FSTL5: variants seen among roughly 807,000 people sequenced by gnomAD.
The protein encoded by FSTL5 is follistatin like 5.
A neutral mutation model predicts 89.1 loss-of-function variants in FSTL5; 62 were observed. The ratio of observed to expected loss-of-function variants is 0.70; its 90% CI spans 0.57 to 0.86. The LOEUF (loss-of-function observed/expected upper bound fraction) is 0.86, where lower values mean the gene tolerates loss of function less well. Ranked by LOEUF, FSTL5 falls within the 40% of genes least tolerant of loss-of-function variation. FSTL5 has a pLI of 0.00. For missense variants in FSTL5, 1,057 were observed against 1,001.6 expected, an observed-to-expected ratio of 1.06 and a Z score of -0.75; for synonymous variants, 383 against 346.2, an observed-to-expected ratio of 1.11 and a Z score of -1.18.
At chr4:162,057,377 A>G (rs1165621428) in intron 2 of FSTL5, among the ~76,000 whole-genome samples, 1 of 152,202 alleles carries the variant, frequency 6.6e-6, no homozygotes, top group South Asian at 2.1e-4. Flanking sequence ...AGCTAAAAGT[A>G]AAACAAAACA....
chr4:161,611,508 A>C (rs1020950084), intron 7 of FSTL5, among the ~76,000 whole-genome samples: 1 of 151,988 alleles, frequency 6.6e-6, no homozygotes, highest in East Asian at 1.9e-4. Context: ...TCATTTATGC[A>C]TGAAGTTTTA....
At chr4:161,557,988 G>A (rs1204761783) in intron 8 of FSTL5, among the ~76,000 whole-genome samples, 1 of 151,738 alleles carries the variant, frequency 6.6e-6, no homozygotes, top group Non-Finnish European at 1.5e-5. Flanking sequence ...AAGCCCATAT[G>A]TTCCTCTGCA....
rs752384275 is a variant in FSTL5, at chr4:161,385,784, T to C, written c.2507A>G (p.Glu836Gly). 3 of 1,607,808 alleles carry C rather than the reference T, an allele frequency of 1.9e-6. No homozygotes were observed. Among genetic ancestry groups the C allele is most frequent in the East Asian group, 4.5e-5 (2 of 44,826 alleles). ...AACCCAAATGACTGTATTTCCTTTT[T>C]CAACTTCAGTGATCTCACAGTTTAA... is the stretch of plus-strand genomic sequence containing the variant. ...NKLNCEITEV[E>G]KGNTVIWVGD... Residue 836 changes from glutamate (E) to glycine (G), a missense_variant, in exon 16 of 16, where the codon GAA (glutamate) becomes GGA (glycine). Transcript: ENST00000306100.
At chr4:161,512,302 T>C (rs1322842905) in intron 10 of FSTL5, among the ~76,000 whole-genome samples, 2 of 152,118 alleles carry the variant, frequency 1.3e-5, no homozygotes, top group Non-Finnish European at 2.9e-5. Flanking sequence ...AGCACTCACA[T>C]ACACAGGTTA....
rs1047195631 is a variant in FSTL5 at position 161,385,261 on chromosome 4, C to A, written c.*486G>T. The A allele has an allele frequency of 6.5e-6, 1 of 154,086 alleles. No individual in the cohort carries two copies. The highest frequency in any genetic ancestry group is 2.0e-4 in the South Asian group (1 of 4,932). 9.5% of individuals were successfully genotyped at this position (154,086 alleles called of 1,614,324 possible). On this transcript the variant is annotated 3_prime_UTR_variant, in exon 16 of 16. Transcript: ENST00000306100. Reference sequence around the variant, plus strand: ...TGCAGGCTTTAGTCTTCCTTTTCCTCCTGTGACATTCCCTTCAAGGCACAA... The same window carrying A: ...TGCAGGCTTTAGTCTTCCTTTTCCTACTGTGACATTCCCTTCAAGGCACAA...
chr4:161,675,117 T>G (rs373736811), intron 6 of FSTL5, among the ~76,000 whole-genome samples: 1 of 152,148 alleles, frequency 6.6e-6, no homozygotes, highest in East Asian at 1.9e-4. Flanking sequence ...ATGACTCTAA[T>G]AGGAATCCTT....
intron 1 of FSTL5, among the ~76,000 whole-genome samples, chr4:162,153,542 G>T (rs1733311035): frequency 6.8e-6 from 1 of 147,516 alleles, no homozygotes; most frequent in Admixed American, 6.9e-5. Context: ...TGAAACAGCA[G>T]GTATTTAATA....
intron 4 of FSTL5, among the ~76,000 whole-genome samples, chr4:161,881,567 T>G (rs1485062885): frequency 6.6e-6 from 1 of 152,078 alleles, no homozygotes; most frequent in Non-Finnish European, 1.5e-5. Flanking sequence ...TCCAGCGCGT[T>G]TTTTGCTGAT....
intron 3 of FSTL5, among the ~76,000 whole-genome samples, chr4:161,949,490 T>A (rs554839216): frequency 6.6e-6 from 1 of 152,194 alleles, no homozygotes; most frequent in East Asian, 1.9e-4. Flanking sequence ...TCTGAACTTC[T>A]TGATTCAATG....
chr4:161,736,262 T>C (rs960043018), intron 6 of FSTL5, among the ~76,000 whole-genome samples: 32 of 152,162 alleles, frequency 2.1e-4, no homozygotes, highest in African/African-American at 7.7e-4. Context: ...CTGTGTCATC[T>C]AGCTCATTTT....
intron 2 of FSTL5, among the ~76,000 whole-genome samples, chr4:162,102,332 A>G (rs962296553): frequency 1.1e-4 from 17 of 151,794 alleles, no homozygotes; most frequent in African/African-American, 3.9e-4. Flanking sequence ...TATTGAAACA[A>G]TTATATATAT....
intron 3 of FSTL5, among the ~76,000 whole-genome samples, chr4:161,986,969 T>C (rs1735980418): frequency 6.6e-6 from 1 of 152,148 alleles, no homozygotes; most frequent in African/African-American, 2.4e-5. Context: ...AGTTGTGAAA[T>C]TGACCACTGT....
At chr4:162,094,945 T>C (rs767040275) in intron 2 of FSTL5, among the ~76,000 whole-genome samples, 1 of 152,162 alleles carries the variant, frequency 6.6e-6, no homozygotes, top group Non-Finnish European at 1.5e-5. Flanking sequence ...AAAATTGGTA[T>C]GTTTTAATAT....
intron 2 of FSTL5, among the ~76,000 whole-genome samples, chr4:162,106,834 C>A (rs551180945): frequency 6.6e-6 from 1 of 152,254 alleles, no homozygotes; most frequent in East Asian, 1.9e-4. Flanking sequence ...TATTCCACGA[C>A]AATCTCTAAT....
At chr4:162,116,593 TA>T (rs1731650071) in intron 1 of FSTL5, among the ~76,000 whole-genome samples, 1 of 152,132 alleles carries the variant, frequency 6.6e-6, no homozygotes, top group Non-Finnish European at 1.5e-5. Flanking sequence ...TTGGGGAGGC[TA>T]CATCAGGAAT....
At chr4:161,535,736 A>T (rs1731586597) in intron 10 of FSTL5, among the ~76,000 whole-genome samples, 1 of 152,070 alleles carries the variant, frequency 6.6e-6, no homozygotes, top group Non-Finnish European at 1.5e-5. Flanking sequence ...CCATTACTGG[A>T]TTTAGATCCA....
chr4:161,938,361 A>G (rs1327497690), intron 3 of FSTL5, among the ~76,000 whole-genome samples: 2 of 152,132 alleles, frequency 1.3e-5, no homozygotes, highest in African/African-American at 4.8e-5. Context: ...ACAATAAAAA[A>G]TGTATTATCA....
At chr4:161,442,366 A>G (rs1000305699) in intron 15 of FSTL5, among the ~76,000 whole-genome samples, 1 of 152,044 alleles carries the variant, frequency 6.6e-6, no homozygotes, top group Non-Finnish European at 1.5e-5. Context: ...TTATAATTTA[A>G]AAGACACTGA....
intron 15 of FSTL5, among the ~76,000 whole-genome samples, chr4:161,454,648 A>G (rs897915035): frequency 2.0e-5 from 3 of 152,204 alleles, no homozygotes; most frequent in Non-Finnish European, 2.9e-5. Flanking sequence ...TCCATTTGAG[A>G]AGTGATTTTA....
Sources: gnomAD v4.1 joint callset for allele counts (sites outside exome capture counted in the v4.1 genomes callset) on GRCh38, gnomAD v4.1.1 for gene constraint, MANE v1.5 for transcripts, NCBI Gene and HGNC (gene_info 2026-07-23, HGNC 2026-07-21) for gene names.